The following ZMAT4 variants were observed in gnomAD, a reference collection of about 807,000 sequenced individuals.
ZMAT4 encodes zinc finger matrin-type 4.
In ZMAT4, 17 loss-of-function variants were observed where a neutral mutation model predicts 28.7. That is an observed-to-expected ratio of 0.59 (90% CI 0.41 to 0.89). The LOEUF (loss-of-function observed/expected upper bound fraction) is 0.89. Ranked by LOEUF, ZMAT4 falls within the 40% of genes least tolerant of loss-of-function variation. The pLI is 0.00. For missense variants in ZMAT4, 240 were observed against 283.8 expected (o/e 0.85, Z 1.11); for synonymous variants, 117 against 109.2 (o/e 1.07, Z -0.44).
intron 4 of ZMAT4, among the ~76,000 whole-genome samples, chr8:40,679,534 G>A (rs1362073422): frequency 6.6e-6 from 1 of 152,160 alleles, no homozygotes; most frequent in East Asian, 1.9e-4. Flanking sequence ...GAAATGCCAA[G>A]CAAAGGACGG....
chr8:40,675,403 G>A (rs143914626), intron 4 of ZMAT4, among the ~76,000 whole-genome samples: 296 of 152,242 alleles, frequency 1.9e-3, no homozygotes, highest in African/African-American at 6.7e-3. Context: ...AGCTCAATGA[G>A]CCAGGTAAAA....
chr8:40,594,084 G>A (rs562809869), intron 5 of ZMAT4, among the ~76,000 whole-genome samples: 5 of 152,210 alleles, frequency 3.3e-5, no homozygotes, highest in South Asian at 4.1e-4. Flanking sequence ...AGTGGCCCCC[G>A]AGGCACCAAA....
intron 5 of ZMAT4, among the ~76,000 whole-genome samples, chr8:40,614,391 T>C (rs1805918335): frequency 1.3e-5 from 2 of 152,212 alleles, no homozygotes; most frequent in Admixed American, 1.3e-4. Flanking sequence ...GTCAGAAGAA[T>C]GTATATTCTG....
intron 5 of ZMAT4, among the ~76,000 whole-genome samples, chr8:40,653,206 A>G (rs1023700187): frequency 6.6e-6 from 1 of 152,162 alleles, no homozygotes; most frequent in East Asian, 1.9e-4. Flanking sequence ...ACTGAGATAA[A>G]TGAAAATGAA....
At chr8:40,828,800 G>T (rs1816171931) in intron 1 of ZMAT4, among the ~76,000 whole-genome samples, 2 of 152,128 alleles carry the variant, frequency 1.3e-5, no homozygotes, top group East Asian at 1.9e-4. Context: ...AGTCCATGTA[G>T]GTCACTTTAG....
chr8:40,855,935 C>A (rs1197500767), intron 1 of ZMAT4, among the ~76,000 whole-genome samples: 1 of 151,972 alleles, frequency 6.6e-6, no homozygotes, highest in Non-Finnish European at 1.5e-5. Context: ...AAGCGATCCA[C>A]CCACCTCGAC....
rs142630164 is a variant in ZMAT4 at position 40,863,051 on chromosome 8, A to T, written c.-5+34632T>A. Among the ~76,000 whole-genome samples, 19 of 152,308 alleles carry T rather than the reference A, an allele frequency of 1.2e-4. No individual in the cohort carries two copies. The East Asian group carries it at 2.9e-3, about 23-fold the overall frequency. Reference sequence around the variant, plus strand: ...GGAAGCAGGTGATGCAGCCAGTGCAAAGAAAAATCCATTCTGGTGAAGCAG... The same window carrying T: ...GGAAGCAGGTGATGCAGCCAGTGCATAGAAAAATCCATTCTGGTGAAGCAG... On this transcript the variant is annotated intron_variant, in intron 1 of 6. Coordinates refer to ENST00000297737, the MANE Select transcript of ZMAT4 (RefSeq NM_024645.3).
At chr8:40,885,135 C>A (rs1818410203) in intron 1 of ZMAT4, among the ~76,000 whole-genome samples, 1 of 152,150 alleles carries the variant, frequency 6.6e-6, no homozygotes, top group African/African-American at 2.4e-5. Flanking sequence ...GACCAAAACA[C>A]AACTATCTAG....
Position 40,674,796 on chromosome 8 carries a change from T to C in ZMAT4, c.485A>G (p.Gln162Arg). 6.2e-7 allele frequency: 1 copy of C among 1,614,010 alleles called. No individual in the cohort carries two copies. The highest frequency in any genetic ancestry group is 8.5e-7 in the Non-Finnish European group (1 of 1,179,932). Reference protein sequence around the residue: ...AWFNNPLMAQQHYDGKKHKKN... With the variant: ...AWFNNPLMAQRHYDGKKHKKN... Reference sequence around the variant, plus strand: ...TTTGTGTTTCTTGCCATCATAATGTTGCTGGGCCATCAGAGGGTTATTAAA... The same window carrying C: ...TTTGTGTTTCTTGCCATCATAATGTCGCTGGGCCATCAGAGGGTTATTAAA... The change falls in exon 5 of 7, where the codon CAA (glutamine) becomes CGA (arginine). Residue 162 changes from glutamine to arginine, a missense_variant. By Grantham distance (43) the Gln-to-Arg change is conservative (BLOSUM62 1). Transcript: ENST00000297737.
At chr8:40,543,071 A>T (rs1368961612) in intron 6 of ZMAT4, among the ~76,000 whole-genome samples, 2 of 152,084 alleles carry the variant, frequency 1.3e-5, no homozygotes, top group Non-Finnish European at 2.9e-5. Context: ...AAATCCACAG[A>T]TAGAGTGAAT....
At chr8:40,632,323 T>C (rs1489106524) in intron 5 of ZMAT4, among the ~76,000 whole-genome samples, 2 of 152,254 alleles carry the variant, frequency 1.3e-5, no homozygotes, top group African/African-American at 4.8e-5. Flanking sequence ...TATAGATTTT[T>C]TTTTGGAAAG....
intron 5 of ZMAT4, among the ~76,000 whole-genome samples, chr8:40,645,763 T>C (rs1413926170): frequency 5.3e-5 from 8 of 152,136 alleles, no homozygotes; most frequent in Non-Finnish European, 8.8e-5. Context: ...GCAATTTTCA[T>C]ATGAGATACA....
At chr8:40,589,350 A>G (rs1804775765) in intron 5 of ZMAT4, among the ~76,000 whole-genome samples, 1 of 152,150 alleles carries the variant, frequency 6.6e-6, no homozygotes, top group Non-Finnish European at 1.5e-5. Flanking sequence ...CCCACTGTGA[A>G]TATTGCCTCC....
chr8:40,646,614 G>A (rs1807328584), intron 5 of ZMAT4, among the ~76,000 whole-genome samples: 1 of 151,830 alleles, frequency 6.6e-6, no homozygotes, highest in Non-Finnish European at 1.5e-5. Flanking sequence ...TTGTCTAGAG[G>A]CAAATAAGGA....
At chr8:40,632,407 A>T (rs910268963) in intron 5 of ZMAT4, among the ~76,000 whole-genome samples, 1 of 152,182 alleles carries the variant, frequency 6.6e-6, no homozygotes, top group Non-Finnish European at 1.5e-5. Context: ...ATAAGAAAAT[A>T]GTGAAAGAGA....
chr8:40,827,149 C>T (rs944063782), intron 1 of ZMAT4, among the ~76,000 whole-genome samples: 64 of 152,154 alleles, frequency 4.2e-4, no homozygotes, highest in African/African-American at 1.5e-3. Flanking sequence ...CAAGCTAGAT[C>T]CATCCTAGGT....
At chr8:40,855,830 C>T (rs1365551418) in intron 1 of ZMAT4, among the ~76,000 whole-genome samples, 1 of 151,968 alleles carries the variant, frequency 6.6e-6, no homozygotes, top group African/African-American at 2.4e-5. Context: ...TGCATGCAAC[C>T]ATCCCTAGCT....
intron 1 of ZMAT4, among the ~76,000 whole-genome samples, chr8:40,830,020 C>T (rs770276576): frequency 7.9e-5 from 12 of 152,008 alleles, no homozygotes; most frequent in Admixed American, 2.0e-4. Context: ...AGCCAGGTCC[C>T]GAAATGTTTC....
intron 5 of ZMAT4, among the ~76,000 whole-genome samples, chr8:40,584,848 G>T (rs1431299478): frequency 6.6e-6 from 1 of 152,108 alleles, no homozygotes. Context: ...TGGCCAGGCT[G>T]GTCTCAAACG....
Sources: gnomAD v4.1 joint callset for allele counts (sites outside exome capture counted in the v4.1 genomes callset) on GRCh38, gnomAD v4.1.1 for gene constraint, MANE v1.5 for transcripts, NCBI Gene and HGNC (gene_info 2026-07-23, HGNC 2026-07-21) for gene names.